The following HUS1 variants were observed in gnomAD, a reference collection of about 807,000 sequenced individuals.
HUS1 encodes the protein checkpoint protein HUS1.
Under a neutral mutation model 32.6 loss-of-function variants are expected in HUS1, and 31 were observed. The observed-to-expected ratio is 0.95, with a 90% CI of 0.72 to 1.28. The LOEUF (loss-of-function observed/expected upper bound fraction) is 1.28, where lower values mean the gene tolerates loss of function less well. HUS1 is among the 50% of genes most tolerant of loss of function. The pLI, the probability that HUS1 is intolerant of heterozygous loss-of-function variation, is 0.00. For synonymous variants in HUS1, 123 were observed against 116.6 expected, an observed-to-expected ratio of 1.06 and a Z score of -0.36; for missense variants, 340 against 337.7, an observed-to-expected ratio of 1.01 and a Z score of -0.05.
chr7:47,975,660 T>C lies in HUS1; in HGVS notation c.493A>G (p.Thr165Ala), dbSNP rs1562590048. 1 of 1,597,024 alleles carries C rather than the reference T, an allele frequency of 6.3e-7. No homozygotes were observed. Among genetic ancestry groups the C allele is most frequent in the African/African-American group, 1.3e-5 (1 of 74,200 alleles). ...DVSIYLPVLKTMKSVVEKMKN... is the reference protein window; with the variant it reads ...DVSIYLPVLKAMKSVVEKMKN... ...ATTTTTTCCACAACACTCTTCATAG[T>C]CTTCAAGACTGGTAAATAAATACTA... is the stretch of plus-strand genomic sequence containing the variant. The change falls in exon 5 of 8, where the codon ACT becomes GCT. Residue 165 changes from threonine to alanine, a missense_variant. Coordinates refer to ENST00000258774, the MANE Select transcript of HUS1 (RefSeq NM_004507.4).
intron 5 of HUS1, among the ~76,000 whole-genome samples, chr7:47,970,450 A>T (rs1357766258): frequency 6.6e-6 from 1 of 152,068 alleles, no homozygotes; most frequent in Non-Finnish European, 1.5e-5. Context: ...CCACAGAGAG[A>T]ATAGTAAGAG....
intron 5 of HUS1, among the ~76,000 whole-genome samples, chr7:47,970,168 A>G (rs2708865): frequency 0.45 from 66,436 of 146,226 alleles, 15,716 homozygotes; most frequent in East Asian, 0.53. Flanking sequence ...GGGAGGCGGA[A>G]CTTGCAGTGA....
chr7:47,979,053 G>GTCAT (rs924575315), intron 1 of HUS1, among the ~76,000 whole-genome samples: 1 of 151,974 alleles, frequency 6.6e-6, no homozygotes, highest in Non-Finnish European at 1.5e-5. Context: ...GCACCTACCA[G>GTCAT]TCATTCATTC....
In HUS1 at chr7:47,976,745, C is replaced by T; in HGVS notation, c.450G>A (p.Val150=). ...RKLWKDLQEP[V]VPDPDVSIYL... is the part of the protein sequence containing the mutation. ...CATCACCTACATCAGGATCTGGGAC[C>T]ACCGGTTCTTGTAAGTCCTTCCACA... Residue 150 remains valine (V), a synonymous_variant, in exon 4 of 8, where the codon GTG becomes GTA. Transcript: ENST00000258774. The T allele has an allele frequency of 6.2e-7, 1 of 1,607,690 alleles. No homozygotes were observed. Among genetic ancestry groups the T allele is most frequent in the Non-Finnish European group, 8.5e-7 (1 of 1,174,184 alleles).
chr7:47,970,253 A>G (rs994906869), intron 5 of HUS1, among the ~76,000 whole-genome samples: 3 of 149,278 alleles, frequency 2.0e-5, no homozygotes, highest in Non-Finnish European at 3.0e-5. Flanking sequence ...AAAAAAAAAA[A>G]AGAGAAATGA....
intron 4 of HUS1, chr7:47,976,102 G>T (rs550654465): frequency 8.7e-5 from 29 of 333,936 alleles, no homozygotes; most frequent in African/African-American, 6.0e-4. Context: ...CAAAAACATG[G>T]CAGACAGTCA....
In HUS1 at chr7:47,979,600, C is replaced by T. The variant is rs1788786962; in HGVS notation, c.-81G>A. ...CCCTGAGTGTCCCCGCCCGGAAACA[C>T]GGCAGCGCGAACAGTGGTTCCGCCC... On this transcript the variant is annotated 5_prime_UTR_variant, in exon 1 of 8. In the 5' UTR this introduces an upstream ATG that the reference lacks. Coordinates refer to ENST00000258774, the MANE Select transcript of HUS1 (RefSeq NM_004507.4). 3 of 1,140,582 alleles carry T rather than the reference C, an allele frequency of 2.6e-6. No homozygotes were observed. The highest frequency in any genetic ancestry group is 2.6e-6 in the Non-Finnish European group (2 of 760,270). 70.7% of individuals were successfully genotyped at this position (1,140,582 alleles called of 1,614,324 possible).
At chr7:47,977,303 G>C (rs3176515) in intron 3 of HUS1, among the ~76,000 whole-genome samples, 9 of 152,172 alleles carry the variant, frequency 5.9e-5, no homozygotes, top group Admixed American at 5.9e-4. Context: ...GTAAAGCCGT[G>C]AGGCAGAAAG....
At chr7:47,976,540 T>C (rs1358235031) in intron 4 of HUS1, 190 bp downstream of exon 4, 1 of 623,928 alleles carries the variant, frequency 1.6e-6, no homozygotes, top group Non-Finnish European at 3.0e-6. Flanking sequence ...ACATATAGGA[T>C]GGCATGACAT....
At chr7:47,969,432 C>T (rs965735477) in intron 5 of HUS1, 114 bp from the exon 6 acceptor site, 12 of 646,092 alleles carry the variant, frequency 1.9e-5, no homozygotes, top group Admixed American at 1.6e-4. Flanking sequence ...AACCTCAAAA[C>T]ACCTCAGAGC....
Position 47,967,021 on chromosome 7 carries a change from T to C in HUS1, c.760+785A>G, listed in dbSNP as rs3176592. ...CATTCAAAAGGGCTGGTCCTTGACA[T>C]TGCCACCTAGAATCTTCTGTTCCTT... On this transcript the variant is annotated intron_variant, in intron 7 of 7. Coordinates refer to ENST00000258774, the MANE Select transcript of HUS1 (RefSeq NM_004507.4). Among the ~76,000 whole-genome samples the C allele has an allele frequency of 3.7e-3, 559 of 152,298 alleles. 5 individuals are homozygous for C. Among genetic ancestry groups the C allele is most frequent in the African/African-American group, 0.013 (533 of 41,560 alleles).
At position 47,976,842 on chromosome 7, in the gene HUS1, C is replaced by T; in HGVS notation, c.358-5G>A. The T allele has an allele frequency of 6.4e-7, 1 of 1,566,056 alleles. No individual in the cohort carries two copies. Among genetic ancestry groups the T allele is most frequent in the Non-Finnish European group, 8.8e-7 (1 of 1,137,898 alleles). On this transcript the variant is annotated splice_region_variant and splice_polypyrimidine_tract_variant and intron_variant, in intron 3 of 7. Coordinates refer to ENST00000258774, the MANE Select transcript of HUS1 (RefSeq NM_004507.4). ...GCTACTGCTTGACATAGATAACTGC[C>T]AAGAAAAGAATTTAAAAATATTTTT...
chr7:47,976,514 G>T, intron 4 of HUS1: 1 of 608,708 alleles, frequency 1.6e-6, no homozygotes. Flanking sequence ...TGATGTTACT[G>T]AGCGAGACAT....
chr7:47,967,734 G>C (rs1183716406), intron 7 of HUS1, 72 bp downstream of exon 7: 9 of 1,182,198 alleles, frequency 7.6e-6, no homozygotes, highest in Non-Finnish European at 1.0e-5. Flanking sequence ...TATGCAATCT[G>C]TTAGACTAGA....
At position 47,964,080 on chromosome 7, in the gene HUS1, A is replaced by C. The variant is rs1238263199; in HGVS notation, c.*1276T>G. The C allele has an allele frequency of 6.6e-6, 1 of 152,140 alleles. No homozygotes were observed. 9.4% of individuals were successfully genotyped at this position (152,140 alleles called of 1,614,324 possible). A position where few individuals can be genotyped will look rare whatever the true frequency, so the allele number is the denominator to read the frequency against. Reference sequence around the variant, plus strand: ...TTAGGTCTCAGTTTTGTAATGTGACATTAATATAATGTTTATGGATGGGTG... The same window carrying C: ...TTAGGTCTCAGTTTTGTAATGTGACCTTAATATAATGTTTATGGATGGGTG... On this transcript the variant is annotated 3_prime_UTR_variant, in exon 8 of 8. Coordinates refer to ENST00000258774, the MANE Select transcript of HUS1 (RefSeq NM_004507.4).
At chr7:47,973,712 G>A (rs1157813617) in intron 5 of HUS1, among the ~76,000 whole-genome samples, 1 of 152,146 alleles carries the variant, frequency 6.6e-6, no homozygotes, top group African/African-American at 2.4e-5. Flanking sequence ...AGTAATTCCA[G>A]ATCGTAGTAG....
At chr7:47,972,125 T>C (rs1788612122) in intron 5 of HUS1, among the ~76,000 whole-genome samples, 1 of 152,184 alleles carries the variant, frequency 6.6e-6, no homozygotes, top group Non-Finnish European at 1.5e-5. Context: ...AAATAAAATA[T>C]ATAAAACAAT....
At chr7:47,965,514 C>T (rs1455069675) in intron 7 of HUS1, 76 bp from the exon 8 acceptor site, 2 of 1,016,126 alleles carry the variant, frequency 2.0e-6, no homozygotes, top group Non-Finnish European at 3.1e-6. Flanking sequence ...TCAGAACAGC[C>T]TTCCCAGCCT....
chr7:47,965,253 G>A lies in HUS1; in HGVS notation c.*103C>T, dbSNP rs965514827. 20 of 743,738 alleles carry A rather than the reference G, an allele frequency of 2.7e-5. No individual in the cohort carries two copies. Among genetic ancestry groups the A allele is most frequent in the African/African-American group, 3.4e-5 (2 of 58,142 alleles). The allele number at this position is 743,738 out of a possible 1,614,324, so 46.1% of individuals were successfully genotyped here. Reference sequence around the variant, plus strand: ...GAGGGACAAATAAGTACAGTGTGTCGATGTGCGGTGCTGTGAGGGCACAGA... The same window carrying A: ...GAGGGACAAATAAGTACAGTGTGTCAATGTGCGGTGCTGTGAGGGCACAGA... On this transcript the variant is annotated 3_prime_UTR_variant, in exon 8 of 8. Transcript: ENST00000258774.
Sources: allele counts gnomAD v4.1 joint callset (sites outside exome capture counted in the v4.1 genomes callset), GRCh38; gene constraint gnomAD v4.1.1; transcripts MANE v1.5; gene names NCBI Gene and HGNC (gene_info 2026-07-23, HGNC 2026-07-21).